CACNA1C: variants seen among roughly 807,000 people sequenced by gnomAD.
CACNA1C encodes the protein voltage-dependent L-type calcium channel subunit alpha-1C.
In CACNA1C, 30 loss-of-function variants were observed where a neutral mutation model predicts 229.0. The observed-to-expected ratio is 0.13, with a 90% CI of 0.10 to 0.18. The LOEUF is 0.18. Ranked by LOEUF, CACNA1C falls within the 10% of genes least tolerant of loss-of-function variation. The pLI is 1.00. For synonymous variants in CACNA1C, 1,114 were observed against 1,132.5 expected (o/e 0.98, Z 0.33); for missense variants, 1,658 against 2,845.0 (o/e 0.58, Z 9.49).
intron 11 of CACNA1C, among the ~76,000 whole-genome samples, chr12:2,563,749 T>C (rs766318463): frequency 2.6e-4 from 39 of 152,224 alleles, no homozygotes; most frequent in Non-Finnish European, 4.3e-4. Flanking sequence ...CAGGGATCCG[T>C]AACAGCCCAG....
intron 33 of CACNA1C, 75 bp from the exon 34 acceptor site, chr12:2,655,072 C>T (rs1329739451): frequency 4.5e-6 from 4 of 882,072 alleles, no homozygotes; most frequent in Non-Finnish European, 7.5e-6. Flanking sequence ...CCTGAAGAGA[C>T]CATTGAACAA....
At chr12:2,600,336 G>T (rs1033726606) in intron 21 of CACNA1C, among the ~76,000 whole-genome samples, 3 of 152,088 alleles carry the variant, frequency 2.0e-5, no homozygotes, top group African/African-American at 7.2e-5. Context: ...GAGTCCTTTG[G>T]GACCCCCTGC....
intron 3 of CACNA1C, among the ~76,000 whole-genome samples, chr12:2,255,278 A>C (rs978322378): frequency 7.9e-5 from 12 of 152,084 alleles, no homozygotes; most frequent in Non-Finnish European, 1.3e-4. Context: ...GAAAAAAAAA[A>C]AAAAAAAACC....
intron 3 of CACNA1C, among the ~76,000 whole-genome samples, chr12:2,291,392 G>A (rs561377976): frequency 6.6e-6 from 1 of 152,164 alleles, no homozygotes; most frequent in African/African-American, 2.4e-5. Flanking sequence ...ACCTACTGGT[G>A]GTTTCTTAGA....
intron 3 of CACNA1C, among the ~76,000 whole-genome samples, chr12:2,201,585 A>G (rs1023819496): frequency 3.9e-5 from 6 of 152,208 alleles, no homozygotes; most frequent in African/African-American, 9.6e-5. Context: ...TTTTCTTTCT[A>G]TACTTCTAGC....
intron 13 of CACNA1C, among the ~76,000 whole-genome samples, chr12:2,578,436 A>G (rs1046299510): frequency 2.2e-4 from 33 of 152,072 alleles, no homozygotes; most frequent in African/African-American, 7.5e-4. Flanking sequence ...TCTGGCTTTG[A>G]CCCAGAGGAG....
At chr12:2,269,402 A>T (rs909496524) in intron 3 of CACNA1C, among the ~76,000 whole-genome samples, 2 of 152,168 alleles carry the variant, frequency 1.3e-5, no homozygotes, top group Non-Finnish European at 2.9e-5. Flanking sequence ...GAAGTTCCTG[A>T]TGAAGGAAGG....
intron 33 of CACNA1C, 141 bp from the exon 34 acceptor site, chr12:2,655,006 G>T (rs2095338164): frequency 3.1e-6 from 2 of 635,396 alleles, no homozygotes; most frequent in Non-Finnish European, 5.8e-6. Flanking sequence ...TGCCTGCCAG[G>T]TTGCATGGGA....
intron 5 of CACNA1C, among the ~76,000 whole-genome samples, chr12:2,472,702 T>G (rs2099599849): frequency 6.6e-6 from 1 of 152,202 alleles, no homozygotes; most frequent in Non-Finnish European, 1.5e-5. Context: ...TGTTTCCTAT[T>G]GACTGCTTTT....
chr12:2,151,038 T>C (rs2095207892), intron 3 of CACNA1C, among the ~76,000 whole-genome samples: 1 of 152,168 alleles, frequency 6.6e-6, no homozygotes. Flanking sequence ...CTGTGGCAAT[T>C]ACGGAGAAGC....
intron 3 of CACNA1C, among the ~76,000 whole-genome samples, chr12:2,423,775 G>T (rs768447110): frequency 6.6e-6 from 1 of 152,212 alleles, no homozygotes; most frequent in Non-Finnish European, 1.5e-5. Flanking sequence ...GAAGCAGCAG[G>T]CAAGGTAATG....
intron 3 of CACNA1C, among the ~76,000 whole-genome samples, chr12:2,200,062 G>A (rs986266613): frequency 2.6e-5 from 4 of 152,024 alleles, no homozygotes; most frequent in African/African-American, 4.8e-5. Flanking sequence ...GTTCTCTGCC[G>A]TATCCTTAGC....
chr12:2,648,791 T>C (rs1569040103), intron 31 of CACNA1C, among the ~76,000 whole-genome samples: 1 of 152,062 alleles, frequency 6.6e-6, no homozygotes, highest in Admixed American at 6.6e-5. Context: ...GGACCCGAGG[T>C]CCATTTCCTG....
chr12:2,564,961 T>C (rs886971852), intron 11 of CACNA1C, among the ~76,000 whole-genome samples: 9 of 152,096 alleles, frequency 5.9e-5, no homozygotes, highest in Non-Finnish European at 1.0e-4. Flanking sequence ...CCTCAGCACC[T>C]CTCCAGCTAT....
At chr12:2,470,942 C>T (rs951566016) in intron 5 of CACNA1C, among the ~76,000 whole-genome samples, 2 of 152,092 alleles carry the variant, frequency 1.3e-5, no homozygotes, top group African/African-American at 2.4e-5. Flanking sequence ...AAATGATTCT[C>T]GTGCCTCATC....
Position 2,653,816 on chromosome 12 carries a change from C to G in CACNA1C, c.4075-19C>G, listed in dbSNP as rs1603364333. The G allele has an allele frequency of 6.2e-7, 1 of 1,612,182 alleles. No individual in the cohort carries two copies. Among genetic ancestry groups the G allele is most frequent in the African/African-American group, 1.3e-5 (1 of 75,036 alleles). On this transcript the variant is annotated intron_variant, in intron 32 of 46. Transcript: ENST00000399655. This position sits in a 1 kb window ranked among gnomAD's most constrained non-coding sequence, Gnocchi z 4.7. The stretch of plus-strand genomic sequence containing the variant: ...CTCTGCACTCCAGCCTCATGGGAGT[C>G]TCCTGCACTTCCTTCCAGGCCCTGC...
chr12:2,149,558 T>C lies in CACNA1C; in HGVS notation c.477+29128T>C, dbSNP rs528928375. Among the ~76,000 whole-genome samples, 5 of 152,366 alleles carry C rather than the reference T, an allele frequency of 3.3e-5. No homozygotes were observed. In the South Asian group the frequency reaches 1.0e-3, roughly 32 times the overall value. On this transcript the variant is annotated intron_variant, in intron 3 of 46. Transcript: ENST00000399655. ...TAGCAGTAGAGAGTGGGCTACTGACTTTTCTGGTTTTCAACAGTATCTTAT... is the reference window on the plus strand; with the variant it reads ...TAGCAGTAGAGAGTGGGCTACTGACCTTTCTGGTTTTCAACAGTATCTTAT...
At chr12:2,222,918 G>A (rs2061848895) in intron 3 of CACNA1C, among the ~76,000 whole-genome samples, 1 of 152,198 alleles carries the variant, frequency 6.6e-6, no homozygotes, top group Non-Finnish European at 1.5e-5. Context: ...GCAGAGGGAG[G>A]TGCCCATTGG....
At chr12:2,395,270 G>A (rs558680077) in intron 3 of CACNA1C, among the ~76,000 whole-genome samples, 13 of 146,152 alleles carry the variant, frequency 8.9e-5, no homozygotes, top group Non-Finnish European at 1.6e-4. Flanking sequence ...CCAGGCTGAA[G>A]TGCAATGACA....
Sources: gnomAD v4.1 joint callset for allele counts (sites outside exome capture counted in the v4.1 genomes callset) on GRCh38, gnomAD v4.1.1 for gene constraint, Gnocchi (gnomAD v3.1) non-coding constraint, MANE v1.5 for transcripts, NCBI Gene and HGNC (gene_info 2026-07-23, HGNC 2026-07-21) for gene names.